Variants in ATP7A observed in about 807,000 individuals in gnomAD.
The protein encoded by ATP7A is ATPase copper transporting alpha, also known as copper-transporting ATPase 1.
Under a neutral mutation model 83.5 loss-of-function variants are expected in ATP7A, and 7 were observed. The ratio of observed to expected loss-of-function variants is 0.08; its 90% CI spans 0.05 to 0.16. The LOEUF is 0.16. Among genes scored for constraint, ATP7A ranks in the 10% least tolerant of loss-of-function variants. ATP7A has a pLI of 1.00. For missense variants in ATP7A, 940 were observed against 1,120.8 expected, an observed-to-expected ratio of 0.84 and a Z score of 2.30; for synonymous variants, 354 against 395.2, an observed-to-expected ratio of 0.90 and a Z score of 1.24.
At chrX:77,995,138 C>T (rs1184164801) in intron 4 of ATP7A, among the ~76,000 whole-genome samples, 1 of 111,643 alleles carries the variant, frequency 9.0e-6, no homozygotes, top group Non-Finnish European at 1.9e-5. Flanking sequence ...TTGTAACTAC[C>T]CATTTTTTAA....
chrX:78,013,832 T>C (rs1331462910), intron 10 of ATP7A, among the ~76,000 whole-genome samples: 1 of 111,494 alleles, frequency 9.0e-6, no homozygotes, highest in African/African-American at 3.3e-5. Flanking sequence ...AGCAGGGGTA[T>C]GTCAGTGAAG....
Position 77,996,784 on chromosome X carries a change from T to C in ATP7A, c.1337-1694T>C, listed in dbSNP as rs2077707366. Among the ~76,000 whole-genome samples the C allele has an allele frequency of 2.7e-5, 3 of 111,780 alleles. No homozygotes were observed. In the South Asian group the frequency reaches 1.1e-3, roughly 42 times the overall value. On this transcript the variant is annotated intron_variant, in intron 4 of 22. Transcript: ENST00000341514. Reference sequence around the variant, plus strand: ...TAAAGTGATGAACAGAAAAAACTTTTTTTTTCATTGTCCAAGTTCATAATT... The same window carrying C: ...TAAAGTGATGAACAGAAAAAACTTTCTTTTTCATTGTCCAAGTTCATAATT...
chrX:78,029,787 A>T (rs1467066302), intron 15 of ATP7A, among the ~76,000 whole-genome samples: 4 of 111,882 alleles, frequency 3.6e-5, no homozygotes, highest in Non-Finnish European at 5.6e-5. Flanking sequence ...GCAGCCTTCT[A>T]ACCTATTTGT....
At chrX:77,984,436 ATTCTTCAAGTGG>A (rs375524891) in intron 2 of ATP7A, among the ~76,000 whole-genome samples, 143 of 109,155 alleles carry the variant, frequency 1.3e-3, no homozygotes, top group African/African-American at 4.1e-3. Flanking sequence ...TCTTCAAGTG[ATTCTTCAAGTGG>A]TTCTTCAAGT....
chrX:78,028,377 C>T (rs1466589927), intron 14 of ATP7A, among the ~76,000 whole-genome samples: 1 of 111,120 alleles, frequency 9.0e-6, no homozygotes, highest in Non-Finnish European at 1.9e-5. Flanking sequence ...TTAATAGAGA[C>T]GGGGTTTCAC....
At chrX:77,932,664 A>T (rs2077294907) in intron 1 of ATP7A, among the ~76,000 whole-genome samples, 1 of 113,059 alleles carries the variant, frequency 8.8e-6, no homozygotes, top group African/African-American at 3.2e-5. Context: ...GCACCTCGGG[A>T]GGCCGAGGCT....
chrX:77,985,433 G>A (rs782770403), intron 2 of ATP7A, among the ~76,000 whole-genome samples: 19 of 110,474 alleles, frequency 1.7e-4, no homozygotes, highest in African/African-American at 6.3e-4. Context: ...AAGATGTACC[G>A]GATACAACGT....
At chrX:78,011,890 G>A in intron 9 of ATP7A, 1 of 438,379 alleles carries the variant, frequency 2.3e-6, no homozygotes, top group South Asian at 3.1e-5. Context: ...TTTGGGTTTG[G>A]TATTTATATC....
At chrX:78,029,935 A>G (rs1315568695) in intron 15 of ATP7A, among the ~76,000 whole-genome samples, 4 of 111,746 alleles carry the variant, frequency 3.6e-5, no homozygotes, top group Non-Finnish European at 7.5e-5. Flanking sequence ...TTCCATAATC[A>G]TCTCAAAGCT....
At chrX:78,000,093 G>A (rs1186592337) in intron 5 of ATP7A, among the ~76,000 whole-genome samples, 1 of 109,947 alleles carries the variant, frequency 9.1e-6, no homozygotes, top group Non-Finnish European at 1.9e-5. Context: ...AATGTATGTA[G>A]TAATCACCTC....
chrX:77,995,584 A>G (rs1464090678), intron 4 of ATP7A, among the ~76,000 whole-genome samples: 2 of 107,302 alleles, frequency 1.9e-5, no homozygotes, highest in Non-Finnish European at 3.9e-5. Context: ...AAAAAAAAAA[A>G]AAAAGAGGTA....
At chrX:77,937,686 C>A (rs1557225149) in intron 1 of ATP7A, among the ~76,000 whole-genome samples, 1 of 111,650 alleles carries the variant, frequency 9.0e-6, no homozygotes. Context: ...ACACCAGATA[C>A]AAAAGGCTAT....
At chrX:77,967,848 G>A (rs2077518677) in intron 1 of ATP7A, among the ~76,000 whole-genome samples, 1 of 112,014 alleles carries the variant, frequency 8.9e-6, no homozygotes, top group African/African-American at 3.2e-5. Flanking sequence ...AGTTACAAGA[G>A]TCCATTAATC....
intron 4 of ATP7A, among the ~76,000 whole-genome samples, chrX:77,997,099 TC>T (rs1346612374): frequency 1.8e-5 from 2 of 112,375 alleles, no homozygotes; most frequent in African/African-American, 6.5e-5. Context: ...GCTGGAATCA[TC>T]CAAAATCCAA....
At position 78,049,106 on chromosome X, in the gene ATP7A, C is replaced by T. The variant is rs2078098065; in HGVS notation, c.*2536C>T. 1 of 111,925 alleles carries T rather than the reference C, an allele frequency of 8.9e-6. No individual in the cohort carries two copies. The highest frequency in any genetic ancestry group is 3.2e-5 in the African/African-American group (1 of 30,903). The allele number at this position is 111,925 out of a possible 1,213,427, so 9.2% of individuals were successfully genotyped here. A position where few individuals can be genotyped will look rare whatever the true frequency, so the allele number is the denominator to read the frequency against. On this transcript the variant is annotated 3_prime_UTR_variant, in exon 23 of 23. Coordinates refer to ENST00000341514, the MANE Select transcript of ATP7A (RefSeq NM_000052.7). Reference sequence around the variant, plus strand: ...CTCTACCACAAGTCTTTTTTGCAATCTTGAACTTTCATTAGCTTCAAAGAG... The same window carrying T: ...CTCTACCACAAGTCTTTTTTGCAATTTTGAACTTTCATTAGCTTCAAAGAG...
chrX:77,941,799 C>T lies in ATP7A; in HGVS notation c.-21-29822C>T, dbSNP rs782178760. 2.7e-5 allele frequency among the ~76,000 whole-genome samples: 3 copies of T among 111,767 alleles called. No individual in the cohort carries two copies. The South Asian group carries it at 1.1e-3, about 41-fold the overall frequency. ...ATTGTGGATCTGAGAACTAACATCACATGTTATAAAATCCAAATAGAAAAT... is the reference window on the plus strand; with the variant it reads ...ATTGTGGATCTGAGAACTAACATCATATGTTATAAAATCCAAATAGAAAAT... On this transcript the variant is annotated intron_variant, in intron 1 of 22. Transcript: ENST00000341514.
chrX:78,005,896 G>T (rs2077772001), intron 6 of ATP7A, among the ~76,000 whole-genome samples: 1 of 110,084 alleles, frequency 9.1e-6, no homozygotes, highest in Admixed American at 9.8e-5. Flanking sequence ...ATAGATGAAG[G>T]TTAATTTTTT....
chrX:77,915,233 T>G (rs1441460817), intron 1 of ATP7A, among the ~76,000 whole-genome samples: 4 of 110,667 alleles, frequency 3.6e-5, no homozygotes, highest in African/African-American at 1.3e-4. Flanking sequence ...AAGGATCGCT[T>G]GAGCCTGGAA....
rs879981699 is a variant in ATP7A at position 77,998,570 on chromosome X, C to A, written c.1429C>A (p.Pro477Thr). 1 of 1,209,843 alleles carries A rather than the reference C, an allele frequency of 8.3e-7. No homozygotes were observed. The highest frequency in any genetic ancestry group is 1.1e-6 in the Non-Finnish European group (1 of 894,939). The stretch of plus-strand genomic sequence containing the variant: ...TGAATTTTATACTAAAGGGATGACA[C>A]CAGTTCAAGACAAGGAGGAAGGAAA... ...TNEFYTKGMT[P>T]VQDKEEGKNS... Residue 477 changes from proline (P) to threonine (T), a missense_variant, in exon 5 of 23, where the codon CCA (proline) becomes ACA (threonine). Physicochemically the swap from Pro to Thr is conservative, Grantham distance 38. Transcript: ENST00000341514.
Sources: gnomAD v4.1 joint callset for allele counts (sites outside exome capture counted in the v4.1 genomes callset) on GRCh38, gnomAD v4.1.1 for gene constraint, MANE v1.5 for transcripts, NCBI Gene and HGNC (gene_info 2026-07-23, HGNC 2026-07-21) for gene names.